DLGAP5: variants seen among roughly 807,000 people sequenced by gnomAD.
DLGAP5 encodes the protein DLG associated protein 5, also known as disks large-associated protein 5.
DLGAP5 carries 90 observed loss-of-function variants against 99.6 expected under a neutral mutation model. The ratio of observed to expected loss-of-function variants is 0.90; its 90% CI spans 0.76 to 1.08. The LOEUF (loss-of-function observed/expected upper bound fraction) is 1.08. Among genes scored for constraint, DLGAP5 ranks in the 50% least tolerant of loss-of-function variants. The probability of loss-of-function intolerance (pLI) is 0.00; values close to 1 mark genes in which losing one functional copy is unlikely to be tolerated. For missense variants in DLGAP5, 1,036 were observed against 983.5 expected (o/e 1.05, Z -0.71); for synonymous variants, 311 against 321.3 (o/e 0.97, Z 0.34).
chr14:55,152,549 T>C (rs1199031039), intron 16 of DLGAP5, 41 bp downstream of exon 16: 1 of 1,483,082 alleles, frequency 6.7e-7, no homozygotes, highest in African/African-American at 1.4e-5. Flanking sequence ...TATAAACATA[T>C]GACATACTGG....
intron 10 of DLGAP5, among the ~76,000 whole-genome samples, chr14:55,172,973 C>A (rs1293735867): frequency 1.7e-5 from 2 of 117,590 alleles, no homozygotes; most frequent in Non-Finnish European, 3.3e-5. Flanking sequence ...CAGAGCGAGA[C>A]TCCGTCTCAA....
chr14:55,163,165 AG>A (rs1206493201), intron 12 of DLGAP5, 90 bp from the exon 13 acceptor site: 3 of 653,804 alleles, frequency 4.6e-6, no homozygotes, highest in Non-Finnish European at 7.1e-6. Context: ...AATTAAAAAT[AG>A]TGATTCAGAA....
At chr14:55,161,845 G>C (rs573593467) in intron 13 of DLGAP5, among the ~76,000 whole-genome samples, 1 of 112,546 alleles carries the variant, frequency 8.9e-6, no homozygotes, top group East Asian at 2.8e-4. Flanking sequence ...CTGCACTCCA[G>C]CCTGGGCAAA....
At chr14:55,158,832 A>G (rs978873145) in intron 13 of DLGAP5, 91 bp from the exon 14 acceptor site, 1 of 860,022 alleles carries the variant, frequency 1.2e-6, no homozygotes, top group African/African-American at 1.7e-5. Context: ...TAAAAATTTA[A>G]TTTTTAAAAA....
At chr14:55,154,586 T>C in intron 15 of DLGAP5, 31 bp downstream of exon 15, 1 of 1,572,032 alleles carries the variant, frequency 6.4e-7, no homozygotes, top group South Asian at 1.1e-5. Flanking sequence ...TCAGCAACTG[T>C]TAAACTCTTA....
Position 55,178,552 on chromosome 14 carries a change from G to A in DLGAP5, c.774+1077C>T, listed in dbSNP as rs75906274. The stretch of plus-strand genomic sequence containing the variant: ...TATTTCAACCTGGACAAGAGTTTAA[G>A]TGGTAACACTGTTGAAGCCAGCATG... On this transcript the variant is annotated intron_variant, in intron 7 of 18. Coordinates refer to ENST00000247191, the MANE Select transcript of DLGAP5 (RefSeq NM_014750.5). 7.8e-3 allele frequency among the ~76,000 whole-genome samples: 1,192 copies of A among 152,296 alleles called. 14 individuals carry two copies. The highest frequency in any genetic ancestry group is 0.027 in the African/African-American group (1,109 of 41,568).
Position 55,152,587 on chromosome 14 carries a change from T to A in DLGAP5, c.2121+3A>T, listed in dbSNP as rs750670567. ...TATCTAACCACACTGGAATTGTACT[T>A]ACATGATTTTCTTCAATTAAATCTG... On this transcript the variant is annotated splice_donor_region_variant and intron_variant, in intron 16 of 18. Transcript: ENST00000247191. 1 of 1,600,360 alleles carries A rather than the reference T, an allele frequency of 6.2e-7. No homozygotes were observed. The highest frequency in any genetic ancestry group is 1.3e-5 in the African/African-American group (1 of 74,798).
chr14:55,166,995 C>G (rs573602354), intron 12 of DLGAP5, among the ~76,000 whole-genome samples: 1 of 151,912 alleles, frequency 6.6e-6, no homozygotes, highest in African/African-American at 2.4e-5. Context: ...GTGGCTCACA[C>G]CTGTAATCCC....
At position 55,183,565 on chromosome 14, in the gene DLGAP5, T is replaced by C. The variant is rs1883338355; in HGVS notation, c.427A>G (p.Lys143Glu). The change falls in exon 3 of 19, where the codon AAA becomes GAA. Residue 143 changes from lysine (K) to glutamate (E), a missense_variant. Physicochemically the swap from Lys to Glu is moderately conservative, Grantham distance 56. Coordinates refer to ENST00000247191, the MANE Select transcript of DLGAP5 (RefSeq NM_014750.5). ...TATTAAGACACTAAATTTACCTTTT[T>C]TGGCTCAGCTTTCACAGCATTCTGG... ...SNQNAVKAEP[K>E]KAIPSSVRIT... 1 of 1,550,566 alleles carries C rather than the reference T, an allele frequency of 6.4e-7. No individual in the cohort carries two copies. Among genetic ancestry groups the C allele is most frequent in the South Asian group, 1.2e-5 (1 of 81,286 alleles).
intron 10 of DLGAP5, among the ~76,000 whole-genome samples, chr14:55,173,667 T>C (rs868533396): frequency 2.0e-5 from 3 of 152,110 alleles, no homozygotes; most frequent in East Asian, 1.9e-4. Context: ...GCTGAAGCCA[T>C]GGCAGAAGAA....
Position 55,180,661 on chromosome 14 carries a change from G to T in DLGAP5, c.698C>A (p.Ala233Asp), listed in dbSNP as rs748425273. 6.2e-7 allele frequency: 1 copy of T among 1,614,156 alleles called. No individual in the cohort carries two copies. The highest frequency in any genetic ancestry group is 8.5e-7 in the Non-Finnish European group (1 of 1,180,008). The change falls in exon 6 of 19, where the codon GCT (alanine) becomes GAT (aspartate). Residue 233 changes from alanine to aspartate, a missense_variant. By Grantham distance (126) the Ala-to-Asp change is moderately radical. Coordinates refer to ENST00000247191, the MANE Select transcript of DLGAP5 (RefSeq NM_014750.5). ...GATCAAGGAATAGTTCTCACCATTA[G>T]CAGCTCTTGTGACTGGCTTTCTTGC... ...TTARKPVTRA[A>D]NENEPEGKVP...
intron 15 of DLGAP5, among the ~76,000 whole-genome samples, chr14:55,154,267 G>C (rs1220168519): frequency 2.0e-5 from 3 of 152,096 alleles, no homozygotes; most frequent in Admixed American, 2.0e-4. Context: ...TGAAGCTAAA[G>C]AGAATTAATT....
intron 13 of DLGAP5, among the ~76,000 whole-genome samples, chr14:55,160,239 A>G (rs977210430): frequency 2.0e-5 from 3 of 149,912 alleles, no homozygotes; most frequent in Admixed American, 6.6e-5. Flanking sequence ...AAATACAAGA[A>G]AAAAAGTTAG....
At chr14:55,156,702 G>C (rs145548295) in intron 14 of DLGAP5, among the ~76,000 whole-genome samples, 26 of 151,946 alleles carry the variant, frequency 1.7e-4, no homozygotes, top group Non-Finnish European at 4.4e-5. Flanking sequence ...CTAAATACAA[G>C]AGACAGAAAC....
At chr14:55,165,837 T>C (rs1317287887) in intron 12 of DLGAP5, among the ~76,000 whole-genome samples, 1 of 152,150 alleles carries the variant, frequency 6.6e-6, no homozygotes, top group Admixed American at 6.5e-5. Flanking sequence ...GTACTATACC[T>C]CAGGTAACTA....
At position 55,191,526 on chromosome 14, in the gene DLGAP5, A is replaced by C. The variant is rs1217636164; in HGVS notation, c.-65T>G. On this transcript the variant is annotated 5_prime_UTR_variant, in exon 1 of 19. Transcript: ENST00000247191. ...AAGTAAAGAACACTCGGTCTGGACGACCACCGCCGACTCCGAAGCAGGAAC... is the reference window on the plus strand; with the variant it reads ...AAGTAAAGAACACTCGGTCTGGACGCCCACCGCCGACTCCGAAGCAGGAAC... The C allele has an allele frequency of 6.5e-6, 1 of 152,704 alleles. No homozygotes were observed. The highest frequency in any genetic ancestry group is 2.4e-5 in the African/African-American group (1 of 41,376). The allele number at this position is 152,704 out of a possible 1,614,324, so 9.5% of individuals were successfully genotyped here. A position where few individuals can be genotyped will look rare whatever the true frequency, so the allele number is the denominator to read the frequency against.
chr14:55,172,549 G>A (rs548683243), intron 10 of DLGAP5, among the ~76,000 whole-genome samples: 200 of 151,748 alleles, frequency 1.3e-3, no homozygotes, highest in Non-Finnish European at 6.0e-4. Flanking sequence ...GTGGGAGGTC[G>A]GGAAGTCAAG....
At chr14:55,185,827 A>G (rs1332204727) in intron 2 of DLGAP5, among the ~76,000 whole-genome samples, 6 of 152,250 alleles carry the variant, frequency 3.9e-5, no homozygotes, top group African/African-American at 1.4e-4. Context: ...CAAAATTATG[A>G]AAAACTTCTA....
At chr14:55,173,351 A>G (rs1882933887) in intron 10 of DLGAP5, among the ~76,000 whole-genome samples, 1 of 151,618 alleles carries the variant, frequency 6.6e-6, no homozygotes, top group African/African-American at 2.4e-5. Flanking sequence ...GCTTGAGCTC[A>G]GGACAGAGAG....
Sources: allele counts gnomAD v4.1 joint callset (sites outside exome capture counted in the v4.1 genomes callset), GRCh38; gene constraint gnomAD v4.1.1; transcripts MANE v1.5; gene names NCBI Gene and HGNC (gene_info 2026-07-23, HGNC 2026-07-21).